The following APBB2 variants were observed in gnomAD, a reference collection of about 807,000 sequenced individuals.
APBB2 encodes the protein Fe65-like 1.
In APBB2, 38 loss-of-function variants were observed where a neutral mutation model predicts 82.5. The ratio of observed to expected loss-of-function variants is 0.46; its 90% CI spans 0.36 to 0.60. The LOEUF (loss-of-function observed/expected upper bound fraction) is 0.60. Ranked by LOEUF, APBB2 falls within the 20% of genes least tolerant of loss-of-function variation. APBB2 has a pLI of 0.00. For missense variants in APBB2, 772 were observed against 972.3 expected, an observed-to-expected ratio of 0.79 and a Z score of 2.74; for synonymous variants, 341 against 368.2, an observed-to-expected ratio of 0.93 and a Z score of 0.85.
In APBB2 at chr4:40,952,160, T is replaced by C. The variant is rs574035777; in HGVS notation, c.836-7087A>G. Among the ~76,000 whole-genome samples, 6 of 133,824 alleles carry C rather than the reference T, an allele frequency of 4.5e-5. No homozygotes were observed. In the South Asian group the frequency reaches 1.2e-3, roughly 26 times the overall value. 87.8% of individuals were successfully genotyped at this position (133,824 alleles called of 152,430 possible). A position where few individuals can be genotyped will look rare whatever the true frequency, so the allele number is the denominator to read the frequency against. ...GAGATTGCACCACTGCATTCCAGCC[T>C]GGGTGACAGAGCGAGACTCTGTCTC... On this transcript the variant is annotated intron_variant, in intron 6 of 17. Coordinates refer to ENST00000508593, the MANE Select transcript of APBB2 (RefSeq NM_004307.2).
intron 6 of APBB2, among the ~76,000 whole-genome samples, chr4:41,009,061 C>A (rs1375383074): frequency 1.3e-5 from 2 of 152,104 alleles, no homozygotes; most frequent in Non-Finnish European, 2.9e-5. Flanking sequence ...ACCACTGAAA[C>A]CTGTACCCAG....
chr4:41,021,076 T>C (rs1811355554), intron 5 of APBB2, among the ~76,000 whole-genome samples: 3 of 152,216 alleles, frequency 2.0e-5, no homozygotes, highest in South Asian at 2.1e-4. Context: ...GGGCCCTGTA[T>C]TTTTAATCTC....
chr4:40,957,745 G>A (rs967346876), intron 6 of APBB2, among the ~76,000 whole-genome samples: 19 of 152,040 alleles, frequency 1.2e-4, no homozygotes, highest in Admixed American at 3.3e-4. Flanking sequence ...CACCACGCCC[G>A]GCTAATTTTT....
At chr4:41,059,291 T>C (rs892380658) in intron 4 of APBB2, among the ~76,000 whole-genome samples, 2 of 152,202 alleles carry the variant, frequency 1.3e-5, no homozygotes, top group Non-Finnish European at 2.9e-5. Context: ...TGAAAACCCA[T>C]CTCTACTAAA....
intron 1 of APBB2, among the ~76,000 whole-genome samples, chr4:41,188,303 G>T (rs1038959364): frequency 3.9e-5 from 6 of 152,152 alleles, no homozygotes; most frequent in East Asian, 1.9e-4. Context: ...TAAAAGAAAA[G>T]AATCTTAAAG....
intron 10 of APBB2, among the ~76,000 whole-genome samples, chr4:40,930,492 T>A (rs566580297): frequency 6.7e-6 from 1 of 148,942 alleles, no homozygotes; most frequent in South Asian, 2.1e-4. Flanking sequence ...TGCGTGTGTA[T>A]GTGTGTGGTG....
chr4:41,093,731 G>C (rs957322514), intron 3 of APBB2, among the ~76,000 whole-genome samples: 2 of 152,142 alleles, frequency 1.3e-5, no homozygotes, highest in Admixed American at 1.3e-4. Context: ...GCGCACGCCT[G>C]TAATCCCAGC....
At chr4:40,970,789 G>C (rs1188624971) in intron 6 of APBB2, among the ~76,000 whole-genome samples, 1 of 152,114 alleles carries the variant, frequency 6.6e-6, no homozygotes, top group Non-Finnish European at 1.5e-5. Context: ...CTGGAACCTG[G>C]CCAGTTTTAG....
At chr4:41,181,909 G>C (rs1240771749) in intron 1 of APBB2, among the ~76,000 whole-genome samples, 1 of 137,866 alleles carries the variant, frequency 7.3e-6, no homozygotes, top group Non-Finnish European at 1.5e-5. Flanking sequence ...TCACGCCATT[G>C]CACCAGCCTG....
intron 1 of APBB2, among the ~76,000 whole-genome samples, chr4:41,206,498 C>G (rs1777965957): frequency 6.6e-6 from 1 of 152,192 alleles, no homozygotes; most frequent in Non-Finnish European, 1.5e-5. Context: ...AAATGAATGT[C>G]TCTCTTCACC....
rs1415471561 is a variant in APBB2, at chr4:40,810,344, C to T, written c.*5748G>A. 1 of 151,890 alleles carries T rather than the reference C, an allele frequency of 6.6e-6. No individual in the cohort carries two copies. The highest frequency in any genetic ancestry group is 1.9e-4 in the East Asian group (1 of 5,184). 9.4% of individuals were successfully genotyped at this position (151,890 alleles called of 1,614,324 possible). A position where few individuals can be genotyped will look rare whatever the true frequency, so the allele number is the denominator to read the frequency against. ...CAGCAGTTTGGGAGGCTGAGGTGGG[C>T]ACGCCACTTGAGCACCGGAGTTCCA... On this transcript the variant is annotated 3_prime_UTR_variant, in exon 18 of 18. Transcript: ENST00000508593.
chr4:41,209,178 T>C (rs772930320), intron 1 of APBB2, among the ~76,000 whole-genome samples: 29 of 152,102 alleles, frequency 1.9e-4, no homozygotes, highest in Admixed American at 7.2e-4. Context: ...CTAGAGTCAC[T>C]CTCCCTTTAT....
chr4:41,059,084 T>C (rs1728828460), intron 4 of APBB2, among the ~76,000 whole-genome samples: 1 of 147,988 alleles, frequency 6.8e-6, no homozygotes, highest in South Asian at 2.2e-4. Context: ...CAACAAGAAA[T>C]CAAAATTTAA....
intron 12 of APBB2, chr4:40,880,188 C>G (rs1267147247): frequency 2.0e-6 from 2 of 985,398 alleles, no homozygotes; most frequent in African/African-American, 3.5e-5. Context: ...AATTACATTG[C>G]AAATGGTGAG....
chr4:40,823,521 G>T, intron 16 of APBB2, 123 bp downstream of exon 16: 1 of 674,154 alleles, frequency 1.5e-6, no homozygotes, highest in Non-Finnish European at 2.6e-6. Context: ...TCAAATGTAG[G>T]CCATCTTAAT....
chr4:40,890,680 A>G (rs976162181), intron 11 of APBB2, among the ~76,000 whole-genome samples, 189 bp from the exon 12 acceptor site: 1 of 151,684 alleles, frequency 6.6e-6, no homozygotes, highest in Admixed American at 6.6e-5. Flanking sequence ...TCATACACCC[A>G]ATTTCTCTCT....
intron 1 of APBB2, among the ~76,000 whole-genome samples, chr4:41,204,694 G>A (rs1464803092): frequency 6.6e-6 from 1 of 152,180 alleles, no homozygotes; most frequent in African/African-American, 2.4e-5. Flanking sequence ...TGGCCATCCT[G>A]GTCAGTGTCC....
At position 40,944,847 on chromosome 4, in the gene APBB2, A is replaced by AAAGACACTCCGTTTT. The variant is rs532407272; in HGVS notation, c.1044+3_1044+17dup. ...TACATCTATTCTACTAAGCTGGTAAAAAGACACTCCGTTTTACCTCGTTCT... is the reference window on the plus strand; with the variant it reads ...TACATCTATTCTACTAAGCTGGTAAAAAGACACTCCGTTTTAAGACACTCCGTTTTACCTCGTTCT... On this transcript the variant is annotated intron_variant, in intron 7 of 17. Coordinates refer to ENST00000508593, the MANE Select transcript of APBB2 (RefSeq NM_004307.2). 1.2e-4 allele frequency: 188 copies of AAAGACACTCCGTTTT among 1,611,756 alleles called. 7 individuals carry two copies. The South Asian group carries it at 2.0e-3, about 17-fold the overall frequency.
chr4:41,185,137 T>C (rs1772548868), intron 1 of APBB2, among the ~76,000 whole-genome samples: 1 of 152,048 alleles, frequency 6.6e-6, no homozygotes, highest in South Asian at 2.1e-4. Flanking sequence ...TATGGATGGA[T>C]GAAGGAGAGC....
Sources: gnomAD v4.1 joint callset for allele counts (sites outside exome capture counted in the v4.1 genomes callset) on GRCh38, gnomAD v4.1.1 for gene constraint, MANE v1.5 for transcripts, NCBI Gene and HGNC (gene_info 2026-07-23, HGNC 2026-07-21) for gene names.